SAMD3: variants seen among roughly 807,000 people sequenced by gnomAD.
The protein encoded by SAMD3 is sterile alpha motif domain-containing protein 3.
Under a neutral mutation model 58.5 loss-of-function variants are expected in SAMD3, and 63 were observed. The observed-to-expected ratio is 1.08, with a 90% CI of 0.88 to 1.33. The LOEUF (loss-of-function observed/expected upper bound fraction) is 1.33. SAMD3 is among the 40% of genes most tolerant of loss of function. The pLI is 0.00. For missense variants in SAMD3, 604 were observed against 608.4 expected (o/e 0.99, Z 0.08); for synonymous variants, 220 against 210.3 (o/e 1.05, Z -0.40).
At chr6:130,274,327 G>A (rs188980025) in intron 2 of SAMD3, among the ~76,000 whole-genome samples, 1 of 152,142 alleles carries the variant, frequency 6.6e-6, no homozygotes, top group African/African-American at 2.4e-5. Flanking sequence ...CCCTTTTCTT[G>A]CTTATAATTT....
rs143467353 is a variant in SAMD3 at position 130,173,614 on chromosome 6, G to A, written c.822+2227C>T. Among the ~76,000 whole-genome samples, 314 of 152,310 alleles carry A rather than the reference G, an allele frequency of 2.1e-3. 2 individuals are homozygous for A. The highest frequency in any genetic ancestry group is 7.2e-3 in the African/African-American group (300 of 41,572). ...AGCTCTCCTGAATGAGGTGTCTGTC[G>A]ACCCCTGTTGGGAGGTTTCTCCCAG... On this transcript the variant is annotated intron_variant, in intron 8 of 11. Coordinates refer to ENST00000439090, the MANE Select transcript of SAMD3 (RefSeq NM_001017373.4).
At chr6:130,172,589 G>T (rs1791349580) in intron 8 of SAMD3, among the ~76,000 whole-genome samples, 1 of 152,170 alleles carries the variant, frequency 6.6e-6, no homozygotes, top group South Asian at 2.1e-4. Context: ...TTAGTCTAAT[G>T]GGCTTCCCTT....
At chr6:130,182,220 TGTA>T (rs1792416185) in intron 7 of SAMD3, among the ~76,000 whole-genome samples, 2 of 151,890 alleles carry the variant, frequency 1.3e-5, no homozygotes, top group Non-Finnish European at 2.9e-5. Context: ...GCCAGGTTTG[TGTA>T]GTATTGTTGT....
chr6:130,183,983 T>A (rs1166354117), intron 7 of SAMD3, 120 bp downstream of exon 7: 2 of 701,656 alleles, frequency 2.9e-6, no homozygotes, highest in African/African-American at 1.8e-5. Context: ...ATAGACAGAA[T>A]GAGAGAGAGA....
rs752585638 is a variant in SAMD3, at chr6:130,209,454, T to G, written c.383+41A>C. ...CTTATCAAAAAGAAATAGAGAAGAA[T>G]GTTATTTGGCTTTAAACTGTCTTAA... On this transcript the variant is annotated intron_variant, in intron 5 of 11. Transcript: ENST00000439090. 3 of 1,031,256 alleles carry G rather than the reference T, an allele frequency of 2.9e-6. No individual in the cohort carries two copies. In the South Asian group the frequency reaches 4.1e-5, roughly 14 times the overall value. The allele number at this position is 1,031,256 out of a possible 1,614,324, so 63.9% of individuals were successfully genotyped here.
At chr6:130,147,757 A>T (rs149612370) in intron 9 of SAMD3, among the ~76,000 whole-genome samples, 2 of 152,350 alleles carry the variant, frequency 1.3e-5, no homozygotes, top group East Asian at 3.9e-4. Flanking sequence ...CTAATCCAGG[A>T]TCCCATATGA....
At chr6:130,325,459 C>T (rs1437327111) in intron 1 of SAMD3, among the ~76,000 whole-genome samples, 2 of 152,270 alleles carry the variant, frequency 1.3e-5, no homozygotes, top group East Asian at 3.9e-4. Flanking sequence ...TGTTCAGGCT[C>T]TCGACAGATT....
exon 1 of SAMD3, chr6:130,365,186 G>C (rs920065241): frequency 9.1e-6 from 9 of 985,482 alleles, no homozygotes; most frequent in Non-Finnish European, 1.1e-5. Context: ...ATTTTACTCT[G>C]TGAACAGGCC....
At chr6:130,228,619 G>A (rs1272819660) in intron 2 of SAMD3, among the ~76,000 whole-genome samples, 1 of 152,206 alleles carries the variant, frequency 6.6e-6, no homozygotes, top group African/African-American at 2.4e-5. Flanking sequence ...AGGGCTGGGA[G>A]CCGCGGGTGT....
intron 3 of SAMD3, 87 bp from the exon 4 acceptor site, chr6:130,214,613 A>G: frequency 1.1e-6 from 1 of 901,846 alleles, no homozygotes; most frequent in East Asian, 2.7e-5. Flanking sequence ...TCTAGTGATA[A>G]AAGGATCATC....
intron 7 of SAMD3, among the ~76,000 whole-genome samples, chr6:130,181,877 A>C (rs1188315749): frequency 1.3e-5 from 2 of 152,124 alleles, no homozygotes; most frequent in Non-Finnish European, 2.9e-5. Context: ...TATCCTGGCT[A>C]ACATGGTGAA....
chr6:130,348,309 C>A (rs945850996), intron 1 of SAMD3, among the ~76,000 whole-genome samples: 1 of 152,102 alleles, frequency 6.6e-6, no homozygotes, highest in South Asian at 2.1e-4. Context: ...CATGACCCAT[C>A]AGTGTGCTGT....
chr6:130,184,361 T>C, intron 6 of SAMD3, 77 bp downstream of exon 6: 2 of 1,415,218 alleles, frequency 1.4e-6, no homozygotes, highest in Non-Finnish European at 1.9e-6. Flanking sequence ...CTGAAGAGAG[T>C]TGATTCCACA....
At chr6:130,332,721 G>A (rs547468321) in intron 1 of SAMD3, among the ~76,000 whole-genome samples, 1 of 152,138 alleles carries the variant, frequency 6.6e-6, no homozygotes, top group Admixed American at 6.5e-5. Context: ...CCATTAGAAT[G>A]TTCAGATTTT....
intron 9 of SAMD3, among the ~76,000 whole-genome samples, chr6:130,154,246 T>C (rs2114582579): frequency 6.6e-6 from 1 of 151,838 alleles, no homozygotes; most frequent in East Asian, 1.9e-4. Flanking sequence ...TTTTTTTTTT[T>C]TTTTAATTTT....
Position 130,273,728 on chromosome 6 carries a change from T to C in SAMD3, c.-188+39250A>G, listed in dbSNP as rs1774664497. ...ATTTTATTACTAAAACCATCCATTTTAAGCTGATAACAACTTAGAAGTATT... is the reference window on the plus strand; with the variant it reads ...ATTTTATTACTAAAACCATCCATTTCAAGCTGATAACAACTTAGAAGTATT... On this transcript the variant is annotated intron_variant, in intron 2 of 13. Coordinates refer to the SAMD3 transcript ENST00000368134. 2.0e-5 allele frequency among the ~76,000 whole-genome samples: 3 copies of C among 152,142 alleles called. No homozygotes were observed. In the South Asian group the frequency reaches 6.2e-4, roughly 31 times the overall value.
chr6:130,314,086 A>C (rs556246253), intron 1 of SAMD3, among the ~76,000 whole-genome samples: 25 of 152,228 alleles, frequency 1.6e-4, no homozygotes, highest in Admixed American at 1.6e-3. Context: ...CCAGCTGCTT[A>C]TCTGAAACTA....
intron 5 of SAMD3, among the ~76,000 whole-genome samples, chr6:130,207,720 G>A (rs1795201795): frequency 6.6e-6 from 1 of 152,184 alleles, no homozygotes; most frequent in Non-Finnish European, 1.5e-5. Context: ...CCAAGGCAAT[G>A]GATTTTGCAC....
chr6:130,269,644 T>C (rs1774488546), intron 2 of SAMD3, among the ~76,000 whole-genome samples: 1 of 152,130 alleles, frequency 6.6e-6, no homozygotes, highest in Admixed American at 6.5e-5. Flanking sequence ...ATCAATTTTA[T>C]TGATTTTTTT....
Sources: allele counts gnomAD v4.1 joint callset (sites outside exome capture counted in the v4.1 genomes callset), GRCh38; gene constraint gnomAD v4.1.1; transcripts MANE v1.5; gene names NCBI Gene and HGNC (gene_info 2026-07-23, HGNC 2026-07-21).